The following ADK variants were observed in gnomAD, a reference collection of about 807,000 sequenced individuals.
ADK encodes N6,N6-dimethyladenosine kinase.
In ADK, 24 loss-of-function variants were observed where a neutral mutation model predicts 44.7. That is an observed-to-expected ratio of 0.54 (90% CI 0.39 to 0.76). ADK has a LOEUF of 0.76. Among genes scored for constraint, ADK ranks in the 30% least tolerant of loss-of-function variants. The pLI is 0.00. For synonymous variants in ADK, 128 were observed against 142.6 expected, an observed-to-expected ratio of 0.90 and a Z score of 0.73; for missense variants, 321 against 425.1, an observed-to-expected ratio of 0.76 and a Z score of 2.15.
At chr10:74,168,454 GC>G (rs1185147979) in intron 1 of ADK, among the ~76,000 whole-genome samples, 10 of 149,808 alleles carry the variant, frequency 6.7e-5, no homozygotes, top group Non-Finnish European at 1.3e-4. Flanking sequence ...CAGGAGAATG[GC>G]ATGAACCCGG....
chr10:74,353,171 C>T (rs1038699652), intron 4 of ADK, among the ~76,000 whole-genome samples: 1 of 152,012 alleles, frequency 6.6e-6, no homozygotes, highest in South Asian at 2.1e-4. Flanking sequence ...ACCTGATGCC[C>T]GTCAATGATA....
Position 74,629,342 on chromosome 10 carries a change from C to G in ADK, c.877+28849C>G, listed in dbSNP as rs186640391. Among the ~76,000 whole-genome samples, 16 of 152,212 alleles carry G rather than the reference C, an allele frequency of 1.1e-4. No individual in the cohort carries two copies. In the East Asian group the frequency reaches 1.7e-3, roughly 17 times the overall value. On this transcript the variant is annotated intron_variant, in intron 9 of 10. Coordinates refer to ENST00000539909, the MANE Select transcript of ADK (RefSeq NM_006721.4). Reference sequence around the variant, plus strand: ...TTCTTGATTTTTATTCTTCCCTTGTCAGGACTAGCTTAGAACTGTTACCCC... The same window carrying G: ...TTCTTGATTTTTATTCTTCCCTTGTGAGGACTAGCTTAGAACTGTTACCCC...
chr10:74,185,245 T>A (rs1186366030), intron 1 of ADK, among the ~76,000 whole-genome samples: 2 of 152,214 alleles, frequency 1.3e-5, no homozygotes, highest in Non-Finnish European at 2.9e-5. Context: ...TGGTAGTGTT[T>A]TGCTGTAAAG....
At chr10:74,339,908 A>G (rs1293538665) in intron 4 of ADK, among the ~76,000 whole-genome samples, 2 of 152,196 alleles carry the variant, frequency 1.3e-5, no homozygotes, top group Admixed American at 6.5e-5. Flanking sequence ...ATGATTTATT[A>G]AAGTGGAGGT....
At chr10:74,502,794 T>G (rs2133456078) in intron 6 of ADK, among the ~76,000 whole-genome samples, 1 of 152,186 alleles carries the variant, frequency 6.6e-6, no homozygotes, top group East Asian at 1.9e-4. Context: ...CCCTGGAAAT[T>G]GGGTGTTATA....
chr10:74,420,303 A>G (rs1178561553), intron 6 of ADK, among the ~76,000 whole-genome samples: 1 of 152,038 alleles, frequency 6.6e-6, no homozygotes, highest in African/African-American at 2.4e-5. Context: ...GGACATTTTT[A>G]TTGTTTTTCT....
At chr10:74,573,175 GT>G (rs1163204515) in intron 7 of ADK, among the ~76,000 whole-genome samples, 1 of 151,912 alleles carries the variant, frequency 6.6e-6, no homozygotes, top group African/African-American at 2.4e-5. Context: ...GTACAGACGG[GT>G]TTTTGGTGTG....
At chr10:74,249,860 G>C (rs1845579807) in intron 3 of ADK, among the ~76,000 whole-genome samples, 1 of 152,204 alleles carries the variant, frequency 6.6e-6, no homozygotes, top group South Asian at 2.1e-4. Flanking sequence ...ATATTTGTTA[G>C]TTTTATACTA....
At chr10:74,337,887 C>G (rs368829317) in intron 4 of ADK, among the ~76,000 whole-genome samples, 1 of 151,826 alleles carries the variant, frequency 6.6e-6, no homozygotes, top group African/African-American at 2.4e-5. Context: ...CTCAGCCTCC[C>G]GAGTAACTGG....
intron 6 of ADK, among the ~76,000 whole-genome samples, chr10:74,520,340 T>C (rs1339780938): frequency 6.6e-6 from 1 of 151,968 alleles, no homozygotes; most frequent in African/African-American, 2.4e-5. Flanking sequence ...TATATCACCA[T>C]GTATCCACAG....
intron 9 of ADK, among the ~76,000 whole-genome samples, chr10:74,664,092 G>A (rs1387038814): frequency 6.6e-6 from 1 of 152,158 alleles, no homozygotes; most frequent in Admixed American, 6.5e-5. Flanking sequence ...TTAATGCTTT[G>A]TGACGTTGTT....
At chr10:74,240,402 C>CTG (rs1284114457) in intron 3 of ADK, among the ~76,000 whole-genome samples, 13 of 69,014 alleles carry the variant, frequency 1.9e-4, no homozygotes, top group Admixed American at 4.7e-4. Flanking sequence ...GTGTGTGTGT[C>CTG]TGTGTGTGTG....
intron 6 of ADK, among the ~76,000 whole-genome samples, chr10:74,417,637 C>G (rs1844417956): frequency 6.6e-6 from 1 of 151,766 alleles, no homozygotes; most frequent in African/African-American, 2.4e-5. Context: ...TTTCTGAGAA[C>G]TAAAGCAAGG....
intron 2 of ADK, among the ~76,000 whole-genome samples, chr10:74,222,986 A>G (rs187536552): frequency 2.4e-4 from 36 of 152,318 alleles, no homozygotes; most frequent in African/African-American, 6.5e-4. Flanking sequence ...CAATGTGCAC[A>G]TGTACCCTAA....
At chr10:74,254,808 C>A (rs1172432985) in intron 3 of ADK, among the ~76,000 whole-genome samples, 2 of 152,104 alleles carry the variant, frequency 1.3e-5, no homozygotes, top group South Asian at 2.1e-4. Context: ...ACACAATGGA[C>A]AAATAGTCAT....
At chr10:74,569,671 T>C (rs912287282) in intron 7 of ADK, among the ~76,000 whole-genome samples, 3 of 152,246 alleles carry the variant, frequency 2.0e-5, no homozygotes, top group African/African-American at 7.2e-5. Context: ...TTCTGGATAT[T>C]AGCCCTTTGT....
chr10:74,380,556 A>G (rs962672094), intron 4 of ADK, among the ~76,000 whole-genome samples: 3 of 152,128 alleles, frequency 2.0e-5, no homozygotes, highest in Admixed American at 6.5e-5. Context: ...CAGGAGATTG[A>G]GACCATCCTG....
chr10:74,439,722 A>G (rs1054964112), intron 6 of ADK, among the ~76,000 whole-genome samples: 8 of 152,160 alleles, frequency 5.3e-5, no homozygotes, highest in African/African-American at 1.9e-4. Context: ...ACGATAAATC[A>G]AGCAAACATT....
chr10:74,609,687 A>G (rs1852472691), intron 9 of ADK, among the ~76,000 whole-genome samples: 1 of 152,156 alleles, frequency 6.6e-6, no homozygotes, highest in African/African-American at 2.4e-5. Context: ...CTATTCAGCC[A>G]TCTTGCCAGC....
Sources: gnomAD v4.1 joint callset for allele counts (sites outside exome capture counted in the v4.1 genomes callset) on GRCh38, gnomAD v4.1.1 for gene constraint, MANE v1.5 for transcripts, NCBI Gene and HGNC (gene_info 2026-07-23, HGNC 2026-07-21) for gene names.